The following TBC1D2 variants were observed in gnomAD, a reference collection of about 807,000 sequenced individuals.
The protein encoded by TBC1D2 is TBC1 domain family member 2, also known as TBC1 domain family member 2A.
TBC1D2 carries 58 observed loss-of-function variants against 91.1 expected under a neutral mutation model. The ratio of observed to expected loss-of-function variants is 0.64; its 90% CI spans 0.52 to 0.79. TBC1D2 has a LOEUF of 0.79. Ranked by LOEUF, TBC1D2 falls within the 30% of genes least tolerant of loss-of-function variation. The pLI is 0.00. For synonymous variants in TBC1D2, 482 were observed against 511.5 expected (o/e 0.94, Z 0.78); for missense variants, 1,080 against 1,208.3 (o/e 0.89, Z 1.57).
At chr9:98,226,101 G>A (rs1244397052) in intron 5 of TBC1D2, among the ~76,000 whole-genome samples, 3 of 152,200 alleles carry the variant, frequency 2.0e-5, no homozygotes, top group Non-Finnish European at 4.4e-5. Flanking sequence ...TGAGTGCCTG[G>A]GGGCACCACT....
At chr9:98,243,570 CTT>C (rs373116563) in intron 3 of TBC1D2, among the ~76,000 whole-genome samples, 17,647 of 143,194 alleles carry the variant, frequency 0.12, 2,507 homozygotes, top group African/African-American at 0.35. Context: ...GAGTCTCACT[CTT>C]GTCGCCCAGG....
At chr9:98,222,808 C>T (rs191380205) in intron 5 of TBC1D2, among the ~76,000 whole-genome samples, 1 of 152,224 alleles carries the variant, frequency 6.6e-6, no homozygotes, top group Non-Finnish European at 1.5e-5. Context: ...GGCTGGATAG[C>T]CTTATTTGCT....
At position 98,213,182 on chromosome 9, in the gene TBC1D2, G is replaced by C. The variant is rs764109469; in HGVS notation, c.1411C>G (p.Leu471Val). 3 of 1,614,106 alleles carry C rather than the reference G, an allele frequency of 1.9e-6. No homozygotes were observed. In the South Asian group the frequency reaches 3.3e-5, roughly 18 times the overall value. ...MEAYRTQNCF[L>V]NSEIHQVTKI... ...GTGACCTGGTGGATCTCGGAGTTGAGGAAGCAGTTCTGGGTCCGGTAAGCT... is the reference window on the plus strand; with the variant it reads ...GTGACCTGGTGGATCTCGGAGTTGACGAAGCAGTTCTGGGTCCGGTAAGCT... Residue 471 changes from leucine (L) to valine (V), a missense_variant, in exon 7 of 13, where the codon CTC (leucine) becomes GTC (valine). Coordinates refer to ENST00000465784, the MANE Select transcript of TBC1D2 (RefSeq NM_001267571.2).
At chr9:98,207,527 C>T (rs903890333) in intron 9 of TBC1D2, among the ~76,000 whole-genome samples, 1 of 152,116 alleles carries the variant, frequency 6.6e-6, no homozygotes, top group Non-Finnish European at 1.5e-5. Flanking sequence ...CGTCCCCTAC[C>T]AATTGGACCA....
intron 2 of TBC1D2, among the ~76,000 whole-genome samples, chr9:98,247,457 G>A (rs1385115511): frequency 4.6e-5 from 7 of 150,960 alleles, no homozygotes; most frequent in Non-Finnish European, 5.9e-5. Flanking sequence ...GGCTGGGCAC[G>A]ATGGCTCACG....
intron 4 of TBC1D2, among the ~76,000 whole-genome samples, chr9:98,230,805 C>T (rs1829349223): frequency 2.6e-5 from 4 of 152,196 alleles, no homozygotes; most frequent in South Asian, 4.1e-4. Context: ...CACTTGAACC[C>T]GGGAGGCAGA....
In TBC1D2 at chr9:98,248,277, C is replaced by T. The variant is rs1347897093; in HGVS notation, c.511+3508G>A. Among the ~76,000 whole-genome samples the T allele has an allele frequency of 3.3e-5, 5 of 152,232 alleles. No homozygotes were observed. The East Asian group carries it at 7.7e-4, about 23-fold the overall frequency. Reference sequence around the variant, plus strand: ...GCAAGGCACGGGCGGCACAGGATGGCGATGCCCCAACAGAGACCAGCACTT... The same window carrying T: ...GCAAGGCACGGGCGGCACAGGATGGTGATGCCCCAACAGAGACCAGCACTT... On this transcript the variant is annotated intron_variant, in intron 2 of 12. Coordinates refer to ENST00000465784, the MANE Select transcript of TBC1D2 (RefSeq NM_001267571.2).
At chr9:98,201,754 C>A in intron 10 of TBC1D2, 90 bp from the exon 11 acceptor site, 1 of 1,350,630 alleles carries the variant, frequency 7.4e-7, no homozygotes, top group African/African-American at 1.5e-5. Context: ...TCAGTCCACA[C>A]ACAATCCTGA....
intron 4 of TBC1D2, among the ~76,000 whole-genome samples, chr9:98,232,365 A>C (rs1363389346): frequency 2.1e-5 from 1 of 48,618 alleles, no homozygotes; most frequent in Admixed American, 2.0e-4. Context: ...ACAGTGTCTC[A>C]CTCTGTCACC....
intron 3 of TBC1D2, among the ~76,000 whole-genome samples, chr9:98,235,831 G>GA (rs1829489958): frequency 6.6e-6 from 1 of 152,068 alleles, no homozygotes; most frequent in Non-Finnish European, 1.5e-5. Context: ...TCAGGAGTTC[G>GA]AGACCATCCT....
chr9:98,205,828 C>G (rs542417019), intron 9 of TBC1D2, among the ~76,000 whole-genome samples: 1 of 152,114 alleles, frequency 6.6e-6, no homozygotes, highest in African/African-American at 2.4e-5. Flanking sequence ...CCTCAAAATG[C>G]GGGAATTACA....
chr9:98,234,295 T>C (rs1829449152), intron 3 of TBC1D2, among the ~76,000 whole-genome samples: 1 of 152,044 alleles, frequency 6.6e-6, no homozygotes, highest in Non-Finnish European at 1.5e-5. Context: ...TCAATACATG[T>C]TTGGTTTATA....
intron 3 of TBC1D2, among the ~76,000 whole-genome samples, chr9:98,243,145 A>C (rs1829687243): frequency 6.6e-6 from 1 of 151,686 alleles, no homozygotes; most frequent in Non-Finnish European, 1.5e-5. Context: ...TATATATATA[A>C]TATATTATTA....
intron 6 of TBC1D2, among the ~76,000 whole-genome samples, chr9:98,215,658 C>T (rs1166373889): frequency 1.3e-5 from 2 of 152,166 alleles, no homozygotes; most frequent in African/African-American, 2.4e-5. Flanking sequence ...TAGGCAGGCA[C>T]CACCATGCCT....
At chr9:98,213,042 G>A (rs1240059839) in intron 7 of TBC1D2, 66 bp downstream of exon 7, 41 of 1,546,758 alleles carry the variant, frequency 2.7e-5, no homozygotes, top group Non-Finnish European at 3.6e-5. Context: ...GAGACGGAGT[G>A]GGCAGCATGG....
chr9:98,241,292 C>T (rs1829630499), intron 3 of TBC1D2, among the ~76,000 whole-genome samples: 2 of 152,170 alleles, frequency 1.3e-5, no homozygotes, highest in Non-Finnish European at 2.9e-5. Context: ...TGTGATGATA[C>T]CACTTCACAG....
rs1471745886 is a variant in TBC1D2, at chr9:98,210,834, G to A, written c.1495C>T (p.Leu499Phe). Reference sequence around the variant, plus strand: ...TCCACCTGGCAGTTTCTGGCTTGGAGGTAGGCGCACTGCAAACAGGGAAAG... The same window carrying A: ...TCCACCTGGCAGTTTCTGGCTTGGAAGTAGGCGCACTGCAAACAGGGAAAG... ...EKALLTKCAY[L>F]QARNCQVESK... The change falls in exon 8 of 13, where the codon CTC (leucine) becomes TTC (phenylalanine). Residue 499 changes from leucine to phenylalanine, a missense_variant. Leu to Phe is a conservative substitution (Grantham distance 22). Transcript: ENST00000465784. 1 of 1,551,548 alleles carries A rather than the reference G, an allele frequency of 6.4e-7. No individual in the cohort carries two copies. The highest frequency in any genetic ancestry group is 8.7e-7 in the Non-Finnish European group (1 of 1,146,856).
In TBC1D2 at chr9:98,250,683, G is replaced by A. The variant is rs1020668902; in HGVS notation, c.511+1102C>T. Among the ~76,000 whole-genome samples, 7 of 152,202 alleles carry A rather than the reference G, an allele frequency of 4.6e-5. No individual in the cohort carries two copies. The East Asian group carries it at 1.3e-3, about 29-fold the overall frequency. ...CAAAGCACCCAGGTACAGAGGTCCA[G>A]GGGGTACTTGGTAACAAGTCCTGCC... On this transcript the variant is annotated intron_variant, in intron 2 of 12. Coordinates refer to ENST00000465784, the MANE Select transcript of TBC1D2 (RefSeq NM_001267571.2).
At chr9:98,233,182 C>CACACATTGAA (rs954438265) in intron 4 of TBC1D2, among the ~76,000 whole-genome samples, 2 of 152,196 alleles carry the variant, frequency 1.3e-5, no homozygotes, top group Admixed American at 6.5e-5. Flanking sequence ...GAGCCCTCAC[C>CACACATTGAA]ACACATTGAA....
Sources: gnomAD v4.1 joint callset for allele counts (sites outside exome capture counted in the v4.1 genomes callset) on GRCh38, gnomAD v4.1.1 for gene constraint, MANE v1.5 for transcripts, NCBI Gene and HGNC (gene_info 2026-07-23, HGNC 2026-07-21) for gene names.